The following MTCL2 variants were observed in gnomAD, a reference collection of about 807,000 sequenced individuals.
The protein encoded by MTCL2 is microtubule cross-linking factor 2.
At chr20:36,789,771 T>C in the MTCL2 span, among the ~76,000 whole-genome samples, 1 of 152,190 alleles carries the variant, frequency 6.6e-6, no homozygotes, top group East Asian at 1.9e-4. Context: ...GAATTCTTCC[T>C]GCCTGACAGC....
chr20:36,790,200 C>T, the MTCL2 span, among the ~76,000 whole-genome samples: 1 of 151,186 alleles, frequency 6.6e-6, no homozygotes, highest in South Asian at 2.1e-4. Flanking sequence ...ACTGTGTTAG[C>T]CAGGATGGTC....
At chr20:36,792,436 C>T in the MTCL2 span, among the ~76,000 whole-genome samples, 7 of 151,700 alleles carry the variant, frequency 4.6e-5, no homozygotes, top group Admixed American at 2.0e-4. Flanking sequence ...ACCCAGGAGG[C>T]GGAGGTTACA....
the MTCL2 span, among the ~76,000 whole-genome samples, chr20:36,825,975 A>G: frequency 6.7e-6 from 1 of 150,250 alleles, no homozygotes; most frequent in Admixed American, 6.7e-5. Flanking sequence ...CTCTTTTAAA[A>G]ATTTCACAAA....
the MTCL2 span, chr20:36,802,828 G>T: frequency 6.4e-7 from 1 of 1,571,162 alleles, no homozygotes; most frequent in Non-Finnish European, 8.7e-7. Context: ...CTTGCGGGTG[G>T]AAGCGGCTTG....
the MTCL2 span, among the ~76,000 whole-genome samples, chr20:36,790,469 C>G: frequency 8.3e-5 from 10 of 119,834 alleles, no homozygotes; most frequent in Non-Finnish European, 1.3e-4. Context: ...GAGTCTTGCT[C>G]TGTTGCCCAG....
At chr20:36,793,529 G>A in the MTCL2 span, 1 of 1,551,708 alleles carries the variant, frequency 6.4e-7, no homozygotes, top group Admixed American at 2.0e-5. The surrounding 1 kb of genome is among the most constrained non-coding windows in gnomAD (Gnocchi z 6.8). Flanking sequence ...CTCGGGCTTG[G>A]CCCGCGTCTC....
At chr20:36,863,474 G>A in the MTCL2 span, 5 of 618,932 alleles carry the variant, frequency 8.1e-6, no homozygotes, top group Non-Finnish European at 1.1e-5. The surrounding 1 kb of genome is among the most constrained non-coding windows in gnomAD (Gnocchi z 6.2). Flanking sequence ...CCTCGGCCCC[G>A]ACACCGCGTC....
the MTCL2 span, among the ~76,000 whole-genome samples, chr20:36,792,907 ATT>A: frequency 1.4e-5 from 2 of 145,586 alleles, no homozygotes; most frequent in African/African-American, 2.5e-5. Flanking sequence ...CAGATAGATA[ATT>A]TTTTTTTTTT....
At chr20:36,827,357 CTTTTTT>C in the MTCL2 span, among the ~76,000 whole-genome samples, 13 of 116,356 alleles carry the variant, frequency 1.1e-4, no homozygotes, top group African/African-American at 3.3e-4. Context: ...CTGGACCCCC[CTTTTTT>C]TTTTTTTTTT....
the MTCL2 span, among the ~76,000 whole-genome samples, chr20:36,843,599 G>A: frequency 6.6e-6 from 1 of 152,226 alleles, no homozygotes; most frequent in South Asian, 2.1e-4. Flanking sequence ...GAAGCATGAA[G>A]GAAAGATCAC....
chr20:36,861,597 G>C, the MTCL2 span, among the ~76,000 whole-genome samples: 1 of 152,228 alleles, frequency 6.6e-6, no homozygotes, highest in African/African-American at 2.4e-5. Flanking sequence ...CATGCTGTGA[G>C]CTCCACAGCC....
At chr20:36,789,437 G>A in the MTCL2 span, among the ~76,000 whole-genome samples, 8 of 152,126 alleles carry the variant, frequency 5.3e-5, no homozygotes, top group Non-Finnish European at 1.0e-4. Context: ...TGAGGCAGGC[G>A]GATCACTTGA....
the MTCL2 span, among the ~76,000 whole-genome samples, chr20:36,829,426 C>T: frequency 1.9e-4 from 29 of 152,060 alleles, 1 homozygote; most frequent in Admixed American, 1.4e-3. Flanking sequence ...ACCTAGGTAC[C>T]GCAAGCTCTC....
At chr20:36,814,930 G>A in the MTCL2 span, among the ~76,000 whole-genome samples, 2 of 152,112 alleles carry the variant, frequency 1.3e-5, no homozygotes, top group African/African-American at 4.8e-5. Context: ...GTGTGGTGGT[G>A]CTCACTTGTA....
chr20:36,841,352 ACT>A, the MTCL2 span, among the ~76,000 whole-genome samples: 2 of 151,860 alleles, frequency 1.3e-5, no homozygotes, highest in South Asian at 4.2e-4. Flanking sequence ...AACCTCAGAT[ACT>A]GTTAAGTGCT....
the MTCL2 span, chr20:36,805,862 G>C: frequency 2.5e-6 from 4 of 1,610,188 alleles, no homozygotes; most frequent in Admixed American, 1.7e-5. Flanking sequence ...CCGTGTTCTG[G>C]GTCCAGCTGT....
At chr20:36,816,927 C>G in the MTCL2 span, among the ~76,000 whole-genome samples, 4 of 152,064 alleles carry the variant, frequency 2.6e-5, no homozygotes, top group African/African-American at 9.7e-5. Context: ...GAACCATGGG[C>G]TCAGGATGTG....
the MTCL2 span, among the ~76,000 whole-genome samples, chr20:36,855,736 T>C: frequency 6.6e-6 from 1 of 152,090 alleles, no homozygotes; most frequent in African/African-American, 2.4e-5. Flanking sequence ...ACATCTGAGC[T>C]GTCAGCCTCC....
chr20:36,809,491 C>T, the MTCL2 span, among the ~76,000 whole-genome samples: 7 of 151,664 alleles, frequency 4.6e-5, no homozygotes, highest in Non-Finnish European at 1.0e-4. Context: ...AGCCCTGTTA[C>T]ACAACTAATG....
Sources: gnomAD v4.1 joint callset for allele counts (sites outside exome capture counted in the v4.1 genomes callset) on GRCh38, gnomAD v4.1.1 for gene constraint, Gnocchi (gnomAD v3.1) non-coding constraint, MANE v1.5 for transcripts, NCBI Gene and HGNC (gene_info 2026-07-23, HGNC 2026-07-21) for gene names.